Variants in CDK5RAP1 observed in about 807,000 individuals in gnomAD.
CDK5RAP1 encodes the protein mitochondrial tRNA methylthiotransferase CDK5RAP1.
Under a neutral mutation model 64.5 loss-of-function variants are expected in CDK5RAP1, and 62 were observed. The ratio of observed to expected loss-of-function variants is 0.96; its 90% CI spans 0.78 to 1.19. The LOEUF (loss-of-function observed/expected upper bound fraction) is 1.19. Ranked by LOEUF, CDK5RAP1 falls within the 50% of genes most tolerant of loss-of-function variation. CDK5RAP1 has a pLI of 0.00. For synonymous variants in CDK5RAP1, 250 were observed against 261.9 expected (o/e 0.95, Z 0.44); for missense variants, 657 against 735.0 (o/e 0.89, Z 1.23).
intron 8 of CDK5RAP1, among the ~76,000 whole-genome samples, chr20:33,379,245 C>T (rs1451835659): frequency 1.3e-5 from 2 of 152,142 alleles, no homozygotes; most frequent in Admixed American, 1.3e-4. Context: ...CCTGCCTCAG[C>T]GTCTCCAAGT....
At chr20:33,393,142 C>T (rs1213808428) in intron 4 of CDK5RAP1, among the ~76,000 whole-genome samples, 5 of 151,930 alleles carry the variant, frequency 3.3e-5, no homozygotes, top group African/African-American at 4.8e-5. Flanking sequence ...CCTCCCAAAG[C>T]GCTGGGATTA....
At chr20:33,367,089 A>G (rs1984125582) in intron 11 of CDK5RAP1, 81 bp from the exon 12 acceptor site, 1 of 1,329,338 alleles carries the variant, frequency 7.5e-7, no homozygotes, top group Non-Finnish European at 1.0e-6. Context: ...GAGGGCGACC[A>G]TGTTCATTCT....
rs929465491 is a variant in CDK5RAP1 at position 33,370,557 on chromosome 20, G to C, written c.1334C>G (p.Ser445Cys). Residue 445 changes from serine to cysteine, a missense_variant, in exon 11 of 14, where the codon TCT (serine) becomes TGT (cysteine). By Grantham distance (112) the Ser-to-Cys change is moderately radical. Coordinates refer to ENST00000346416, the MANE Select transcript of CDK5RAP1 (RefSeq NM_016408.4). ...ETEEDHVQTV[S>C]LLREVQYNMG... ...GTTGTACTGAACTTCCCGGAGCAAA[G>C]AGACTGTCTGGACGTGATCTTCCTC... 6.2e-7 allele frequency: 1 copy of C among 1,614,180 alleles called. No individual in the cohort carries two copies. The highest frequency in any genetic ancestry group is 8.5e-7 in the Non-Finnish European group (1 of 1,180,024).
At chr20:33,371,196 G>A (rs1486708742) in intron 10 of CDK5RAP1, among the ~76,000 whole-genome samples, 1 of 152,168 alleles carries the variant, frequency 6.6e-6, no homozygotes, top group Non-Finnish European at 1.5e-5. Context: ...AGGAGGCTGA[G>A]GTGGGAGGAT....
intron 4 of CDK5RAP1, 86 bp from the exon 5 acceptor site, chr20:33,392,328 A>C: frequency 1.5e-6 from 1 of 683,464 alleles, no homozygotes. Context: ...GAAAATAAAA[A>C]CCACCTTCAA....
intron 12 of CDK5RAP1, among the ~76,000 whole-genome samples, chr20:33,364,105 TATG>T (rs1983433364): frequency 2.0e-5 from 3 of 152,068 alleles, no homozygotes; most frequent in African/African-American, 2.4e-5. Flanking sequence ...TATTGTCAGG[TATG>T]ATAATAGCAT....
intron 10 of CDK5RAP1, among the ~76,000 whole-genome samples, chr20:33,371,880 G>A (rs1470905555): frequency 6.6e-6 from 1 of 152,168 alleles, no homozygotes; most frequent in Non-Finnish European, 1.5e-5. Flanking sequence ...TTAGGAGGAA[G>A]GGGACAGTGA....
chr20:33,371,048 C>G (rs1411214034), intron 10 of CDK5RAP1, among the ~76,000 whole-genome samples: 1 of 152,212 alleles, frequency 6.6e-6, no homozygotes, highest in African/African-American at 2.4e-5. Context: ...AATCCCAGCA[C>G]TTTGAGAGGC....
chr20:33,380,983 G>A (rs1986684154), intron 7 of CDK5RAP1, among the ~76,000 whole-genome samples: 1 of 152,162 alleles, frequency 6.6e-6, no homozygotes, highest in Admixed American at 6.5e-5. Context: ...CTGGGCAACA[G>A]AGCGAGACTC....
intron 5 of CDK5RAP1, among the ~76,000 whole-genome samples, chr20:33,389,274 C>T (rs1164279192): frequency 1.3e-5 from 2 of 151,200 alleles, no homozygotes; most frequent in Admixed American, 6.6e-5. Flanking sequence ...TGCCCGGCCG[C>T]GACCCCGTCT....
intron 8 of CDK5RAP1, among the ~76,000 whole-genome samples, chr20:33,374,753 G>C (rs1568695529): frequency 6.6e-6 from 1 of 151,666 alleles, no homozygotes; most frequent in African/African-American, 2.4e-5. Flanking sequence ...TAGTAGAGAT[G>C]ATGTTGCCCA....
At position 33,372,630 on chromosome 20, in the gene CDK5RAP1, T is replaced by C; in HGVS notation, c.1261+12A>G. 4 of 1,469,552 alleles carry C rather than the reference T, an allele frequency of 2.7e-6. No individual in the cohort carries two copies. Among genetic ancestry groups the C allele is most frequent in the Non-Finnish European group, 2.7e-6 (3 of 1,095,778 alleles). The allele number at this position is 1,469,552 out of a possible 1,614,324, so 91.0% of individuals were successfully genotyped here. A position where few individuals can be genotyped will look rare whatever the true frequency, so the allele number is the denominator to read the frequency against. On this transcript the variant is annotated intron_variant, in intron 10 of 13. Coordinates refer to ENST00000346416, the MANE Select transcript of CDK5RAP1 (RefSeq NM_016408.4). ...AGTAACATGCTCAGCAGAATGAGTT[T>C]CTTAAATGTACCTGGAATAGATTCT...
At chr20:33,362,227 C>A (rs1983077707) in intron 12 of CDK5RAP1, among the ~76,000 whole-genome samples, 2 of 152,042 alleles carry the variant, frequency 1.3e-5, no homozygotes, top group Admixed American at 1.3e-4. Flanking sequence ...CACCCCCAGC[C>A]ACATCAAATT....
chr20:33,376,596 G>A (rs993885648), intron 8 of CDK5RAP1, among the ~76,000 whole-genome samples: 24 of 152,154 alleles, frequency 1.6e-4, no homozygotes, highest in African/African-American at 5.1e-4. Flanking sequence ...TATTAGTGTC[G>A]TTTTTATGCC....
chr20:33,381,274 A>G (rs1163586794), intron 7 of CDK5RAP1, among the ~76,000 whole-genome samples: 3 of 152,112 alleles, frequency 2.0e-5, no homozygotes, highest in African/African-American at 7.2e-5. Flanking sequence ...TTACTTCCAA[A>G]TATTTTAGTA....
intron 7 of CDK5RAP1, 55 bp from the exon 8 acceptor site, chr20:33,379,746 A>G: frequency 7.7e-7 from 1 of 1,296,900 alleles, no homozygotes; most frequent in South Asian, 1.3e-5. Flanking sequence ...CTTCATAAAA[A>G]AACACTAATT....
At chr20:33,373,187 G>C (rs1353618875) in intron 9 of CDK5RAP1, 1 of 93,798 alleles carries the variant, frequency 1.1e-5, no homozygotes, top group Admixed American at 1.1e-4. Flanking sequence ...TGTGTGTGTA[G>C]GGACTGGGTT....
At chr20:33,379,396 G>T in intron 8 of CDK5RAP1, 65 bp downstream of exon 8, 1 of 1,177,184 alleles carries the variant, frequency 8.5e-7, no homozygotes. Context: ...CATCCCTACT[G>T]GGTCCAGCCT....
chr20:33,378,335 T>C (rs1391201225), intron 8 of CDK5RAP1, among the ~76,000 whole-genome samples: 2 of 152,154 alleles, frequency 1.3e-5, no homozygotes, highest in Non-Finnish European at 2.9e-5. Flanking sequence ...CATTTACCAA[T>C]TTAGGTCACT....
Sources: allele counts gnomAD v4.1 joint callset (sites outside exome capture counted in the v4.1 genomes callset), GRCh38; gene constraint gnomAD v4.1.1; transcripts MANE v1.5; gene names NCBI Gene and HGNC (gene_info 2026-07-23, HGNC 2026-07-21).